SEC63: variants seen among roughly 807,000 people sequenced by gnomAD.
SEC63 encodes the protein translocation protein SEC63 homolog.
In SEC63, 56 loss-of-function variants were observed where a neutral mutation model predicts 116.2. The observed-to-expected ratio is 0.48, with a 90% CI of 0.39 to 0.60. SEC63 has a LOEUF of 0.60. SEC63 is among the 20% of genes least tolerant of loss of function. The pLI is 0.00. For synonymous variants in SEC63, 273 were observed against 294.6 expected (o/e 0.93, Z 0.75); for missense variants, 668 against 900.0 (o/e 0.74, Z 3.30).
chr6:107,906,108 G>C (rs553235454), intron 10 of SEC63, among the ~76,000 whole-genome samples: 1 of 152,080 alleles, frequency 6.6e-6, no homozygotes, highest in South Asian at 2.1e-4. Flanking sequence ...TGCTGTTCTC[G>C]AGATACACTT....
chr6:107,876,479 C>T, intron 19 of SEC63, 85 bp downstream of exon 19: 1 of 876,636 alleles, frequency 1.1e-6, no homozygotes, highest in Non-Finnish European at 1.9e-6. Flanking sequence ...ATATGATAAA[C>T]TTTTTAAAAA....
intron 12 of SEC63, 128 bp downstream of exon 12, chr6:107,902,716 T>G (rs1300240035): frequency 1.8e-5 from 16 of 878,984 alleles, no homozygotes; most frequent in Non-Finnish European, 2.8e-5. Context: ...AGAGAAAGTT[T>G]TAGAGTATTT....
intron 16 of SEC63, among the ~76,000 whole-genome samples, chr6:107,886,338 A>T (rs1362525629): frequency 1.3e-5 from 2 of 152,152 alleles, no homozygotes; most frequent in Non-Finnish European, 2.9e-5. Context: ...ATGTGTCTTT[A>T]TAGTAAAATG....
intron 8 of SEC63, 65 bp downstream of exon 8, chr6:107,908,862 A>ATTATT: frequency 5.9e-6 from 5 of 844,354 alleles, no homozygotes; most frequent in Non-Finnish European, 1.0e-5. Flanking sequence ...TAAGGAATAT[A>ATTATT]TATCAACCCC....
In SEC63 at chr6:107,929,421, G is replaced by A. The variant is rs764482522; in HGVS notation, c.218C>T (p.Thr73Ile). 8.5e-6 allele frequency: 13 copies of A among 1,536,340 alleles called. No homozygotes were observed. In the South Asian group the frequency reaches 1.3e-4, roughly 16 times the overall value. The change falls in exon 2 of 21, where the codon ACA (threonine) becomes ATA (isoleucine). Residue 73 changes from threonine to isoleucine, a missense_variant. Thr to Ile is a moderately conservative substitution (Grantham distance 89). Transcript: ENST00000369002. ...LLKPQPNIIP[T>I]VKKIVLLAGW... ...CTTGAAATCCATTACTTACTTTACT[G>A]TAGGAATAATATTTGGCTGGGGTTT... is the stretch of plus-strand genomic sequence containing the variant.
rs1770753114 is a variant in SEC63 at position 107,958,156 on chromosome 6, C to A, written c.-147G>T. On this transcript the variant is annotated 5_prime_UTR_variant, in exon 1 of 21. Transcript: ENST00000369002. ...CCCGCCCCCACGCCACTCTCACGGACACGCCGCCGCCACCTCTGCCGCTGC... is the reference window on the plus strand; with the variant it reads ...CCCGCCCCCACGCCACTCTCACGGAAACGCCGCCGCCACCTCTGCCGCTGC... 13 of 1,264,986 alleles carry A rather than the reference C, an allele frequency of 1.0e-5. No homozygotes were observed. The South Asian group carries it at 1.5e-4, about 15-fold the overall frequency. 78.4% of individuals were successfully genotyped at this position (1,264,986 alleles called of 1,614,324 possible). A position where few individuals can be genotyped will look rare whatever the true frequency, so the allele number is the denominator to read the frequency against.
chr6:107,944,395 T>C (rs1770438820), intron 1 of SEC63, among the ~76,000 whole-genome samples: 1 of 152,180 alleles, frequency 6.6e-6, no homozygotes, highest in African/African-American at 2.4e-5. Context: ...GTCTGGAGTC[T>C]GAGGAAAGAA....
intron 12 of SEC63, 152 bp downstream of exon 12, chr6:107,902,692 A>T: frequency 2.7e-6 from 2 of 748,696 alleles, no homozygotes; most frequent in Non-Finnish European, 4.5e-6. Context: ...AGAAAATGTT[A>T]ACAGAACCAC....
At chr6:107,952,277 C>T (rs919421916) in intron 1 of SEC63, among the ~76,000 whole-genome samples, 9 of 152,070 alleles carry the variant, frequency 5.9e-5, no homozygotes, top group African/African-American at 2.2e-4. Flanking sequence ...GTCAAATATG[C>T]CAATAAACGA....
At chr6:107,943,127 T>C (rs1770412278) in intron 1 of SEC63, among the ~76,000 whole-genome samples, 1 of 152,244 alleles carries the variant, frequency 6.6e-6, no homozygotes, top group African/African-American at 2.4e-5. Flanking sequence ...GCAGAGATGA[T>C]TAGCGTCACA....
chr6:107,927,823 C>T (rs1276546237), intron 2 of SEC63, among the ~76,000 whole-genome samples: 1 of 152,168 alleles, frequency 6.6e-6, no homozygotes, highest in East Asian at 1.9e-4. Context: ...CTCCCATGCA[C>T]ATTAGATCAT....
chr6:107,922,411 C>G (rs1216359893), intron 3 of SEC63, among the ~76,000 whole-genome samples: 1 of 152,180 alleles, frequency 6.6e-6, no homozygotes, highest in Non-Finnish European at 1.5e-5. Context: ...GAAGGTGAAG[C>G]AGGAGAATCA....
rs1196612832 is a variant in SEC63 at position 107,869,137 on chromosome 6, G to C, written c.*2567C>G. 1.3e-5 allele frequency: 2 copies of C among 151,952 alleles called. No homozygotes were observed. The highest frequency in any genetic ancestry group is 4.8e-5 in the African/African-American group (2 of 41,356). The allele number at this position is 151,952 out of a possible 1,614,324, so 9.4% of individuals were successfully genotyped here. The stretch of plus-strand genomic sequence containing the variant: ...CTTTTCCAGCCCTCAGTGAAAGCTG[G>C]GAGAAGCAGAGCAGAAGGTATTGTT... On this transcript the variant is annotated 3_prime_UTR_variant, in exon 21 of 21. Transcript: ENST00000369002.
rs1172216400 is a variant in SEC63 at position 107,958,076 on chromosome 6, C to T, written c.-67G>A. ...ACGACCACGCTCTGCACTCCCGCTC[C>T]CAACGCCCCGGCCCGAGTGGCGTAG... On this transcript the variant is annotated 5_prime_UTR_variant, in exon 1 of 21. Transcript: ENST00000369002. 1.6e-5 allele frequency: 25 copies of T among 1,598,072 alleles called. No homozygotes were observed. The highest frequency in any genetic ancestry group is 2.1e-5 in the Non-Finnish European group (25 of 1,170,324).
chr6:107,931,324 A>T (rs1456050267), intron 1 of SEC63, among the ~76,000 whole-genome samples: 1 of 152,010 alleles, frequency 6.6e-6, no homozygotes, highest in Non-Finnish European at 1.5e-5. Flanking sequence ...CCTGGGAAAC[A>T]AGAATGAAAC....
intron 4 of SEC63, among the ~76,000 whole-genome samples, chr6:107,921,196 T>C (rs963714267): frequency 2.8e-5 from 4 of 144,542 alleles, no homozygotes; most frequent in Non-Finnish European, 6.1e-5. Flanking sequence ...AGATCAAGCC[T>C]AAAAAAAAAA....
intron 1 of SEC63, among the ~76,000 whole-genome samples, chr6:107,949,746 C>T (rs1770542785): frequency 6.6e-6 from 1 of 152,206 alleles, no homozygotes; most frequent in African/African-American, 2.4e-5. Flanking sequence ...CCTCCTGCTT[C>T]AGCCTCCTGA....
At chr6:107,904,122 A>G (rs1179278271) in intron 11 of SEC63, among the ~76,000 whole-genome samples, 6 of 148,630 alleles carry the variant, frequency 4.0e-5, no homozygotes, top group Admixed American at 4.0e-4. Flanking sequence ...TGTCTCCAAA[A>G]AAAAAAAAAA....
intron 14 of SEC63, among the ~76,000 whole-genome samples, chr6:107,894,202 C>G (rs1216215123): frequency 6.6e-6 from 1 of 152,152 alleles, no homozygotes; most frequent in African/African-American, 2.4e-5. Flanking sequence ...TCTTAGCAAG[C>G]AAACGTTGAG....
Sources: allele counts gnomAD v4.1 joint callset (sites outside exome capture counted in the v4.1 genomes callset), GRCh38; gene constraint gnomAD v4.1.1; transcripts MANE v1.5; gene names NCBI Gene and HGNC (gene_info 2026-07-23, HGNC 2026-07-21).